SGCZ: variants seen among roughly 807,000 people sequenced by gnomAD.
SGCZ encodes sarcoglycan zeta.
In SGCZ, 40 loss-of-function variants were observed where a neutral mutation model predicts 41.3. That is an observed-to-expected ratio of 0.97 (90% CI 0.75 to 1.26). SGCZ has a LOEUF of 1.26. SGCZ is among the 50% of genes most tolerant of loss of function. The probability of loss-of-function intolerance (pLI) is 0.00; values close to 1 mark genes in which losing one functional copy is unlikely to be tolerated. For synonymous variants in SGCZ, 206 were observed against 137.5 expected (o/e 1.50, Z -3.49); for missense variants, 552 against 369.8 (o/e 1.49, Z -4.04).
At chr8:14,439,390 C>A (rs1376395766) in intron 2 of SGCZ, among the ~76,000 whole-genome samples, 1 of 150,540 alleles carries the variant, frequency 6.6e-6, no homozygotes, top group Non-Finnish European at 1.5e-5. Context: ...AAATTTTACA[C>A]AATTTCTACT....
chr8:14,127,329 T>C (rs1053215837), intron 5 of SGCZ, among the ~76,000 whole-genome samples: 1 of 152,148 alleles, frequency 6.6e-6, no homozygotes, highest in African/African-American at 2.4e-5. Context: ...ATCCCCTAAA[T>C]ACTGAGGAGC....
chr8:15,198,245 C>G (rs186616730), intron 1 of SGCZ, among the ~76,000 whole-genome samples: 2 of 151,712 alleles, frequency 1.3e-5, no homozygotes, highest in African/African-American at 4.8e-5. Context: ...TGCATTTTTA[C>G]GCCAAAATAT....
At chr8:14,666,503 T>C (rs908368065) in intron 1 of SGCZ, among the ~76,000 whole-genome samples, 2 of 152,168 alleles carry the variant, frequency 1.3e-5, no homozygotes, top group Non-Finnish European at 2.9e-5. Flanking sequence ...GGTTGAAGCC[T>C]GTAAAAGCAA....
chr8:15,210,368 A>G (rs1208348054), intron 1 of SGCZ, among the ~76,000 whole-genome samples: 2 of 152,118 alleles, frequency 1.3e-5, no homozygotes, highest in Non-Finnish European at 2.9e-5. Flanking sequence ...ACATTATCCC[A>G]TAAGCACTCT....
chr8:14,908,560 A>G (rs1799185573), intron 1 of SGCZ, among the ~76,000 whole-genome samples: 1 of 151,768 alleles, frequency 6.6e-6, no homozygotes, highest in Non-Finnish European at 1.5e-5. Context: ...GACCAGCCTG[A>G]CCAACATGGT....
chr8:14,215,735 A>G (rs1431719921), intron 4 of SGCZ, among the ~76,000 whole-genome samples: 1 of 152,202 alleles, frequency 6.6e-6, no homozygotes, highest in Non-Finnish European at 1.5e-5. Context: ...TTGTACATAT[A>G]AAAATAAAAC....
At chr8:15,232,918 T>C (rs1313896618) in intron 1 of SGCZ, among the ~76,000 whole-genome samples, 1 of 151,628 alleles carries the variant, frequency 6.6e-6, no homozygotes, top group Non-Finnish European at 1.5e-5. Flanking sequence ...TTCCACATTA[T>C]AGATGTATAG....
At chr8:14,649,724 G>A (rs933113077) in intron 1 of SGCZ, among the ~76,000 whole-genome samples, 26 of 151,988 alleles carry the variant, frequency 1.7e-4, no homozygotes, top group African/African-American at 6.3e-4. Flanking sequence ...TCAGTAACCT[G>A]TCTACCACCT....
At chr8:14,742,302 T>TG (rs1424895281) in intron 1 of SGCZ, among the ~76,000 whole-genome samples, 3 of 152,038 alleles carry the variant, frequency 2.0e-5, no homozygotes, top group Non-Finnish European at 4.4e-5. Context: ...CTTATGCACG[T>TG]GCACGCGCGC....
intron 6 of SGCZ, among the ~76,000 whole-genome samples, chr8:14,106,386 G>C (rs1181852115): frequency 1.3e-5 from 2 of 152,140 alleles, no homozygotes; most frequent in Non-Finnish European, 2.9e-5. Context: ...TGAATCCCTA[G>C]GGTTTCTATA....
rs75608292 is a variant in SGCZ, at chr8:14,322,379, A to G, written c.336+1724T>C. ...TGGAAATGCTTGTGAACATGGAGTT[A>G]GCTTTCTCGGGGATGGAAACTAGGA... On this transcript the variant is annotated intron_variant, in intron 3 of 7. Transcript: ENST00000382080. Among the ~76,000 whole-genome samples, 473 of 152,194 alleles carry G rather than the reference A, an allele frequency of 3.1e-3. 3 individuals are homozygous for G. Among genetic ancestry groups the G allele is most frequent in the African/African-American group, 0.011 (454 of 41,540 alleles).
intron 1 of SGCZ, among the ~76,000 whole-genome samples, chr8:14,888,458 C>T (rs2726605): frequency 0.032 from 4,848 of 152,062 alleles, 236 homozygotes; most frequent in African/African-American, 0.11. Flanking sequence ...ATGTAGAATG[C>T]AGGAAAAGAA....
intron 4 of SGCZ, among the ~76,000 whole-genome samples, chr8:14,220,149 A>G (rs1030201180): frequency 1.3e-5 from 2 of 152,138 alleles, no homozygotes; most frequent in African/African-American, 4.8e-5. Flanking sequence ...ACGTACACCA[A>G]AAGGGAGGCA....
intron 1 of SGCZ, among the ~76,000 whole-genome samples, chr8:14,856,796 G>A (rs1207900270): frequency 1.3e-5 from 2 of 152,096 alleles, no homozygotes; most frequent in Admixed American, 6.6e-5. Flanking sequence ...TCAACAGCAG[G>A]GAAAGAGGTT....
chr8:14,523,486 A>G (rs1802849816), intron 2 of SGCZ, among the ~76,000 whole-genome samples: 2 of 152,200 alleles, frequency 1.3e-5, no homozygotes, highest in East Asian at 1.9e-4. Context: ...TAAAAATACT[A>G]TACCACTTTC....
intron 2 of SGCZ, among the ~76,000 whole-genome samples, chr8:14,448,974 A>C (rs1017128200): frequency 6.6e-6 from 1 of 152,198 alleles, no homozygotes; most frequent in African/African-American, 2.4e-5. Flanking sequence ...GTTTTTATTC[A>C]AGATCAATTT....
chr8:14,947,253 C>T (rs1384711803), intron 1 of SGCZ, among the ~76,000 whole-genome samples: 1 of 152,168 alleles, frequency 6.6e-6, no homozygotes, highest in Non-Finnish European at 1.5e-5. Context: ...TTTCAAATTT[C>T]TTAATGGACC....
At chr8:14,625,264 T>C (rs1806416907) in intron 1 of SGCZ, among the ~76,000 whole-genome samples, 1 of 152,190 alleles carries the variant, frequency 6.6e-6, no homozygotes, top group Non-Finnish European at 1.5e-5. Flanking sequence ...TATTTTGAAA[T>C]CTTTATAACT....
chr8:15,218,830 A>G (rs1322133773), intron 1 of SGCZ, among the ~76,000 whole-genome samples: 1 of 152,206 alleles, frequency 6.6e-6, no homozygotes, highest in Non-Finnish European at 1.5e-5. Context: ...TGCAGTAGGT[A>G]CAATTATTAA....
Sources: gnomAD v4.1 joint callset for allele counts (sites outside exome capture counted in the v4.1 genomes callset) on GRCh38, gnomAD v4.1.1 for gene constraint, MANE v1.5 for transcripts, NCBI Gene and HGNC (gene_info 2026-07-23, HGNC 2026-07-21) for gene names.